CHN1: variants seen among roughly 807,000 people sequenced by gnomAD.
CHN1 encodes the protein N-chimaerin.
A neutral mutation model predicts 59.5 loss-of-function variants in CHN1; 37 were observed. The ratio of observed to expected loss-of-function variants is 0.62; its 90% CI spans 0.48 to 0.82. The LOEUF (loss-of-function observed/expected upper bound fraction) is 0.82. Among genes scored for constraint, CHN1 ranks in the 40% least tolerant of loss-of-function variants. The pLI is 0.00. For missense variants in CHN1, 469 were observed against 571.0 expected (o/e 0.82, Z 1.82); for synonymous variants, 206 against 200.4 (o/e 1.03, Z -0.24).
intron 5 of CHN1, among the ~76,000 whole-genome samples, chr2:174,891,158 A>G (rs1272268574): frequency 9.3e-5 from 14 of 150,336 alleles, no homozygotes; most frequent in East Asian, 3.9e-4. Context: ...AAAAAAAAAA[A>G]AAAAAAAGAA....
chr2:174,991,979 A>G (rs1272163036), intron 1 of CHN1, among the ~76,000 whole-genome samples: 2 of 152,252 alleles, frequency 1.3e-5, no homozygotes. Flanking sequence ...ATACATAACT[A>G]TTACGAAAGA....
At chr2:174,917,053 T>C (rs1009391399) in intron 4 of CHN1, among the ~76,000 whole-genome samples, 1 of 151,952 alleles carries the variant, frequency 6.6e-6, no homozygotes, top group African/African-American at 2.4e-5. Context: ...ATTAGCTGGA[T>C]GTGGTGGCAG....
intron 1 of CHN1, among the ~76,000 whole-genome samples, chr2:174,956,654 C>G (rs1364236164): frequency 2.0e-5 from 3 of 151,780 alleles, no homozygotes; most frequent in Non-Finnish European, 4.4e-5. Context: ...TACCTGTACC[C>G]CAGCTACTCA....
chr2:174,937,403 T>C (rs997038774), intron 3 of CHN1, among the ~76,000 whole-genome samples: 1 of 152,220 alleles, frequency 6.6e-6, no homozygotes, highest in Non-Finnish European at 1.5e-5. Flanking sequence ...CAGTGCTCCC[T>C]TTCCTATCAT....
rs185449746 is a variant in CHN1 at position 174,904,918 on chromosome 2, T to C, written c.260+10140A>G. ...CAGAGGCCAAAGAGTGTCTGATACA[T>C]TGAAGTCCTTGAGCCAGTCACACTG... On this transcript the variant is annotated intron_variant, in intron 5 of 12. Coordinates refer to ENST00000409900, the MANE Select transcript of CHN1 (RefSeq NM_001822.7). 1.4e-3 allele frequency among the ~76,000 whole-genome samples: 213 copies of C among 152,220 alleles called. 1 individual carries two copies. The highest frequency in any genetic ancestry group is 4.8e-3 in the African/African-American group (199 of 41,514).
At chr2:174,993,921 T>G (rs1459587255) in intron 1 of CHN1, among the ~76,000 whole-genome samples, 1 of 152,194 alleles carries the variant, frequency 6.6e-6, no homozygotes, top group Non-Finnish European at 1.5e-5. Context: ...ATCTAAAAAC[T>G]AATAGGAAGG....
chr2:174,933,434 G>A (rs1689410367), intron 3 of CHN1, among the ~76,000 whole-genome samples: 1 of 152,084 alleles, frequency 6.6e-6, no homozygotes, highest in Non-Finnish European at 1.5e-5. Context: ...AATGTATCAA[G>A]GAGGAGAAAG....
intron 5 of CHN1, among the ~76,000 whole-genome samples, chr2:174,907,440 T>C (rs971337866): frequency 1.3e-5 from 2 of 152,186 alleles, no homozygotes; most frequent in Non-Finnish European, 2.9e-5. Flanking sequence ...CTATGACTTT[T>C]CTTTCTATTG....
At chr2:174,823,871 A>C (rs1558939346) in intron 8 of CHN1, among the ~76,000 whole-genome samples, 2 of 152,210 alleles carry the variant, frequency 1.3e-5, no homozygotes, top group South Asian at 4.1e-4. Flanking sequence ...TTTTACAAAA[A>C]GTATTTGATG....
At chr2:174,831,286 C>A (rs955748349) in intron 7 of CHN1, among the ~76,000 whole-genome samples, 1 of 152,166 alleles carries the variant, frequency 6.6e-6, no homozygotes, top group Non-Finnish European at 1.5e-5. Context: ...CCTTTATGAT[C>A]CATACATTCC....
chr2:174,892,966 T>C (rs1196586980), intron 5 of CHN1, among the ~76,000 whole-genome samples: 2 of 151,972 alleles, frequency 1.3e-5, no homozygotes, highest in African/African-American at 4.8e-5. Context: ...AGAAGGAAAT[T>C]ACCTCAGTAT....
At chr2:174,855,368 T>C (rs1271626750) in intron 6 of CHN1, among the ~76,000 whole-genome samples, 1 of 152,150 alleles carries the variant, frequency 6.6e-6, no homozygotes, top group Non-Finnish European at 1.5e-5. Flanking sequence ...GATTAACTCT[T>C]GGGTAATATG....
chr2:174,961,062 A>T (rs1690383241), intron 1 of CHN1, among the ~76,000 whole-genome samples: 1 of 142,922 alleles, frequency 7.0e-6, no homozygotes, highest in East Asian at 2.2e-4. Flanking sequence ...CAGGAAGTGG[A>T]GGCTGCAGTA....
At chr2:175,001,153 A>T (rs538916137) in intron 1 of CHN1, among the ~76,000 whole-genome samples, 1 of 152,334 alleles carries the variant, frequency 6.6e-6, no homozygotes, top group Non-Finnish European at 1.5e-5. Flanking sequence ...ATGATGATTT[A>T]AATGACAGCT....
chr2:174,919,229 C>A (rs547612266), intron 3 of CHN1, among the ~76,000 whole-genome samples: 2 of 152,102 alleles, frequency 1.3e-5, no homozygotes, highest in South Asian at 2.1e-4. Flanking sequence ...GACAGACAGA[C>A]AATAAAGAAG....
chr2:174,896,866 A>C (rs1688232370), intron 5 of CHN1, among the ~76,000 whole-genome samples: 1 of 152,156 alleles, frequency 6.6e-6, no homozygotes, highest in African/African-American at 2.4e-5. Flanking sequence ...GAATATCACC[A>C]CCATATGTAT....
At chr2:174,945,831 G>A (rs1689811588) in intron 2 of CHN1, among the ~76,000 whole-genome samples, 2 of 151,674 alleles carry the variant, frequency 1.3e-5, no homozygotes, top group African/African-American at 4.9e-5. Flanking sequence ...CTCTACTTCT[G>A]ACCACATTCA....
chr2:174,989,941 G>T (rs144734803), intron 1 of CHN1, among the ~76,000 whole-genome samples: 26 of 152,176 alleles, frequency 1.7e-4, no homozygotes, highest in African/African-American at 6.0e-4. Context: ...GATAAGACCT[G>T]AAAACACTGG....
intron 3 of CHN1, among the ~76,000 whole-genome samples, chr2:174,929,153 A>C (rs757264373): frequency 1.3e-5 from 2 of 152,230 alleles, no homozygotes; most frequent in African/African-American, 2.4e-5. Flanking sequence ...CCATTGTTTT[A>C]CATTTTCCCA....
Sources: gnomAD v4.1 joint callset for allele counts (sites outside exome capture counted in the v4.1 genomes callset) on GRCh38, gnomAD v4.1.1 for gene constraint, MANE v1.5 for transcripts, NCBI Gene and HGNC (gene_info 2026-07-23, HGNC 2026-07-21) for gene names.